Variants in EXOC4 observed in about 807,000 individuals in gnomAD.
EXOC4 encodes the protein SEC8-like 1.
A neutral mutation model predicts 107.2 loss-of-function variants in EXOC4; 71 were observed. The observed-to-expected ratio is 0.66, with a 90% confidence interval of 0.55 to 0.81. EXOC4 has a LOEUF of 0.81. Among genes scored for constraint, EXOC4 ranks in the 30% least tolerant of loss-of-function variants. EXOC4 has a pLI of 0.00. For missense variants in EXOC4, 1,108 were observed against 1,189.6 expected (o/e 0.93, Z 1.01); for synonymous variants, 456 against 441.2 (o/e 1.03, Z -0.42).
chr7:133,688,735 T>G (rs1794359964), intron 10 of EXOC4, among the ~76,000 whole-genome samples: 1 of 152,176 alleles, frequency 6.6e-6, no homozygotes, highest in Non-Finnish European at 1.5e-5. Flanking sequence ...TAGGCCTATT[T>G]TTTTTTTGTC....
Position 133,814,643 on chromosome 7 carries a change from A to G in EXOC4, c.1515-2682A>G, listed in dbSNP as rs546974107. 6.6e-5 allele frequency among the ~76,000 whole-genome samples: 10 copies of G among 152,318 alleles called. No homozygotes were observed. The South Asian group carries it at 1.5e-3, about 22-fold the overall frequency. On this transcript the variant is annotated intron_variant, in intron 10 of 17. Transcript: ENST00000253861. ...TGTACTATTTTTCACTCATGTCAGT[A>G]ATATATGAGAATGCCTCTTTCTTCA...
chr7:133,929,373 T>TA (rs11376720), intron 13 of EXOC4, among the ~76,000 whole-genome samples: 64,615 of 151,860 alleles, frequency 0.43, 14,269 homozygotes, highest in South Asian at 0.61. Context: ...TTAGAATTGT[T>TA]ATTTGTTTTA....
chr7:133,518,175 T>G (rs970887906), intron 9 of EXOC4, among the ~76,000 whole-genome samples: 1 of 152,052 alleles, frequency 6.6e-6, no homozygotes, highest in Non-Finnish European at 1.5e-5. Context: ...ATCCTGTAGT[T>G]TAACCCAGAT....
intron 9 of EXOC4, among the ~76,000 whole-genome samples, chr7:133,523,439 C>CTT (rs60649774): frequency 4.7e-4 from 67 of 143,356 alleles, no homozygotes; most frequent in East Asian, 2.8e-3. Context: ...CCTTTCAGTT[C>CTT]TTTTTTTTTT....
At position 133,695,326 on chromosome 7, in the gene EXOC4, A is replaced by G. The variant is rs547572334; in HGVS notation, c.1514+65185A>G. Among the ~76,000 whole-genome samples the G allele has an allele frequency of 2.0e-4, 31 of 152,174 alleles. No individual in the cohort carries two copies. In the Middle Eastern group the frequency reaches 0.01, roughly 50 times the overall value. On this transcript the variant is annotated intron_variant, in intron 10 of 17. Coordinates refer to ENST00000253861, the MANE Select transcript of EXOC4 (RefSeq NM_021807.4). ...TCCCATTCTTTTTAATGGCTGAGTG[A>G]TATTTCAATGTGTGCATGTATTGTA...
intron 13 of EXOC4, among the ~76,000 whole-genome samples, chr7:133,919,914 T>C (rs1799900708): frequency 1.3e-5 from 2 of 152,318 alleles, no homozygotes; most frequent in Middle Eastern, 3.4e-3. Flanking sequence ...AAGAATGTGA[T>C]TGCTGGATCA....
chr7:133,504,996 A>G (rs1233177679), intron 9 of EXOC4, among the ~76,000 whole-genome samples: 7 of 152,258 alleles, frequency 4.6e-5, no homozygotes, highest in African/African-American at 1.7e-4. Flanking sequence ...TGGCAGAGTC[A>G]GGTCGGAGAT....
At chr7:133,390,526 G>A (rs901581282) in intron 7 of EXOC4, among the ~76,000 whole-genome samples, 3 of 152,148 alleles carry the variant, frequency 2.0e-5, no homozygotes, top group Non-Finnish European at 4.4e-5. Context: ...GAAAGTGGGC[G>A]GGGCCAGCTA....
intron 12 of EXOC4, among the ~76,000 whole-genome samples, chr7:133,907,043 T>C (rs1460210034): frequency 6.6e-6 from 1 of 152,146 alleles, no homozygotes; most frequent in Non-Finnish European, 1.5e-5. Context: ...TCTTGGGAGC[T>C]CTGGGAGCAA....
chr7:133,646,155 C>T (rs1802986748), intron 10 of EXOC4, among the ~76,000 whole-genome samples: 1 of 152,190 alleles, frequency 6.6e-6, no homozygotes, highest in African/African-American at 2.4e-5. Flanking sequence ...AGTTTGCAAA[C>T]ATACTTCCAC....
At chr7:133,519,350 G>GA (rs1175293702) in intron 9 of EXOC4, among the ~76,000 whole-genome samples, 2 of 152,138 alleles carry the variant, frequency 1.3e-5, no homozygotes, top group Non-Finnish European at 2.9e-5. Context: ...TTGAGCCCAG[G>GA]AGGTCGAGGC....
chr7:133,274,502 A>G (rs574080958), intron 1 of EXOC4, among the ~76,000 whole-genome samples: 85 of 152,298 alleles, frequency 5.6e-4, no homozygotes, highest in African/African-American at 1.9e-3. Context: ...TTTTCCTTCC[A>G]TGGTTGTAAC....
chr7:134,041,212 C>T (rs1278179440), intron 17 of EXOC4, among the ~76,000 whole-genome samples: 1 of 152,108 alleles, frequency 6.6e-6, no homozygotes, highest in Non-Finnish European at 1.5e-5. Context: ...ATCATCTTTG[C>T]CTTGGTAGAT....
intron 7 of EXOC4, among the ~76,000 whole-genome samples, chr7:133,406,748 A>G (rs1427864414): frequency 6.6e-6 from 1 of 152,238 alleles, no homozygotes; most frequent in Non-Finnish European, 1.5e-5. Context: ...TCATTTAGGC[A>G]ACAGTCATTG....
At chr7:133,588,908 G>A (rs1364853240) in intron 9 of EXOC4, among the ~76,000 whole-genome samples, 1 of 151,840 alleles carries the variant, frequency 6.6e-6, no homozygotes, top group African/African-American at 2.4e-5. Context: ...ATATATGTAT[G>A]TGTATATATA....
At chr7:133,905,480 T>G (rs1240720768) in intron 12 of EXOC4, among the ~76,000 whole-genome samples, 1 of 152,150 alleles carries the variant, frequency 6.6e-6, no homozygotes, top group Non-Finnish European at 1.5e-5. Flanking sequence ...ATGAGTTGCC[T>G]ACTTCCAAGC....
chr7:133,725,049 A>T (rs1197520384), intron 10 of EXOC4, among the ~76,000 whole-genome samples: 4 of 152,250 alleles, frequency 2.6e-5, no homozygotes, highest in Non-Finnish European at 5.9e-5. Context: ...CCTGAACAAT[A>T]GCACTTTCTG....
chr7:133,769,024 C>T (rs983452057), intron 10 of EXOC4, among the ~76,000 whole-genome samples: 3 of 151,954 alleles, frequency 2.0e-5, no homozygotes, highest in South Asian at 2.1e-4. Flanking sequence ...AAATCACATA[C>T]GCTTGGATGT....
At chr7:133,923,244 T>C (rs766883480) in intron 13 of EXOC4, among the ~76,000 whole-genome samples, 15 of 150,924 alleles carry the variant, frequency 9.9e-5, no homozygotes, top group Non-Finnish European at 1.9e-4. Flanking sequence ...TTCTCCTGCC[T>C]CAGCCTCCCA....
Sources: allele counts gnomAD v4.1 joint callset (sites outside exome capture counted in the v4.1 genomes callset), GRCh38; gene constraint gnomAD v4.1.1; transcripts MANE v1.5; gene names NCBI Gene and HGNC (gene_info 2026-07-23, HGNC 2026-07-21).